The following STAC variants were observed in gnomAD, a reference collection of about 807,000 sequenced individuals.
The protein encoded by STAC is SH3 and cysteine-rich domain-containing protein.
STAC carries 43 observed loss-of-function variants against 48.8 expected under a neutral mutation model. The ratio of observed to expected loss-of-function variants is 0.88; its 90% CI spans 0.69 to 1.14. The LOEUF (loss-of-function observed/expected upper bound fraction) is 1.14, where lower values mean the gene tolerates loss of function less well. Ranked by LOEUF, STAC falls within the 50% of genes most tolerant of loss-of-function variation. STAC has a pLI of 0.00. For missense variants in STAC, 497 were observed against 504.0 expected (o/e 0.99, Z 0.13); for synonymous variants, 193 against 179.5 (o/e 1.07, Z -0.60).
intron 2 of STAC, among the ~76,000 whole-genome samples, chr3:36,464,284 T>G (rs926087633): frequency 6.6e-6 from 1 of 152,198 alleles, no homozygotes; most frequent in Non-Finnish European, 1.5e-5. Flanking sequence ...GATGAGCATT[T>G]TTTCATGTGT....
At chr3:36,385,817 T>C (rs530605893) in intron 1 of STAC, among the ~76,000 whole-genome samples, 4 of 152,232 alleles carry the variant, frequency 2.6e-5, no homozygotes, top group African/African-American at 9.6e-5. Context: ...CCATTGTAGG[T>C]AGCAATAGTT....
chr3:36,413,979 C>G (rs1488602336), intron 1 of STAC, among the ~76,000 whole-genome samples: 1 of 152,034 alleles, frequency 6.6e-6, no homozygotes, highest in Non-Finnish European at 1.5e-5. Context: ...AAATTCTTTT[C>G]TTTAAGAATG....
intron 10 of STAC, among the ~76,000 whole-genome samples, chr3:36,538,874 C>T (rs575597742): frequency 5.0e-4 from 76 of 152,120 alleles, no homozygotes; most frequent in Non-Finnish European, 7.2e-4. Context: ...TCTGCTGTAC[C>T]ACATGTGACC....
chr3:36,538,173 A>T (rs1190695611), intron 10 of STAC, among the ~76,000 whole-genome samples: 1 of 152,168 alleles, frequency 6.6e-6, no homozygotes, highest in African/African-American at 2.4e-5. Context: ...CATTTAAAAA[A>T]TTTAGTCATT....
At chr3:36,505,995 C>A in intron 8 of STAC, 161 bp downstream of exon 8, 2 of 507,994 alleles carry the variant, frequency 3.9e-6, no homozygotes, top group Non-Finnish European at 7.0e-6. Flanking sequence ...AACACACAGG[C>A]CCTGTCCCCA....
Position 36,438,190 on chromosome 3 carries a change from C to T in STAC, c.112-5174C>T, listed in dbSNP as rs184417763. Among the ~76,000 whole-genome samples the T allele has an allele frequency of 5.2e-3, 797 of 152,224 alleles. 8 individuals are homozygous for T. The highest frequency in any genetic ancestry group is 0.018 in the African/African-American group (741 of 41,508). On this transcript the variant is annotated intron_variant, in intron 1 of 10. Transcript: ENST00000273183. ...AACCTCAGGTGATCCGCCCACCTCC[C>T]TAAGTGCTGGGATGACAGGCGTGAG...
chr3:36,472,774 C>T (rs1575223482), intron 2 of STAC, among the ~76,000 whole-genome samples: 1 of 152,322 alleles, frequency 6.6e-6, no homozygotes, highest in East Asian at 1.9e-4. Context: ...TTATCCATAT[C>T]GCTATCAGCA....
At chr3:36,407,693 T>G (rs1007218390) in intron 1 of STAC, among the ~76,000 whole-genome samples, 4 of 152,234 alleles carry the variant, frequency 2.6e-5, no homozygotes, top group African/African-American at 4.8e-5. Context: ...AAGAAGAAGT[T>G]TATTTCTCAT....
chr3:36,410,676 G>C (rs1003205234), intron 1 of STAC, among the ~76,000 whole-genome samples: 1 of 152,170 alleles, frequency 6.6e-6, no homozygotes, highest in Non-Finnish European at 1.5e-5. Flanking sequence ...ATTTACTCAG[G>C]CTGAGACAAT....
intron 2 of STAC, among the ~76,000 whole-genome samples, chr3:36,468,344 T>C (rs941713810): frequency 2.0e-5 from 3 of 152,076 alleles, no homozygotes; most frequent in Non-Finnish European, 4.4e-5. Flanking sequence ...GAATGTTCCA[T>C]GTGCTGATGA....
intron 1 of STAC, among the ~76,000 whole-genome samples, chr3:36,381,675 G>A (rs1699512602): frequency 6.6e-6 from 1 of 152,186 alleles, no homozygotes; most frequent in African/African-American, 2.4e-5. Flanking sequence ...GGACAGGCCA[G>A]ATGGGGCAAG....
intron 10 of STAC, among the ~76,000 whole-genome samples, chr3:36,530,593 C>CTTTTTTTTTTTTTTTTTT (rs577222686): frequency 7.9e-4 from 57 of 72,012 alleles, no homozygotes; most frequent in Middle Eastern, 0.01. Flanking sequence ...TTTTTTTTTT[C>CTTTTTTTTTTTTTTTTTT]TTTTTTTTTT....
chr3:36,389,101 C>T (rs11922320), intron 1 of STAC, among the ~76,000 whole-genome samples: 81 of 152,238 alleles, frequency 5.3e-4, no homozygotes, highest in African/African-American at 1.8e-3. Context: ...GTTATTGAAA[C>T]GCCTGTCTTT....
At chr3:36,533,173 T>C (rs1026363280) in intron 10 of STAC, among the ~76,000 whole-genome samples, 2 of 152,186 alleles carry the variant, frequency 1.3e-5, no homozygotes, top group African/African-American at 4.8e-5. Context: ...GGAAGTTGTC[T>C]TGGGACCAAA....
At chr3:36,528,502 G>A (rs531058566) in intron 8 of STAC, among the ~76,000 whole-genome samples, 194 bp from the exon 9 acceptor site, 1 of 151,536 alleles carries the variant, frequency 6.6e-6, no homozygotes, top group Non-Finnish European at 1.5e-5. Context: ...TTAAAATACA[G>A]CATAAAATCA....
At chr3:36,495,674 T>C (rs1190302082) in intron 6 of STAC, among the ~76,000 whole-genome samples, 2 of 152,156 alleles carry the variant, frequency 1.3e-5, no homozygotes, top group African/African-American at 4.8e-5. Flanking sequence ...ACACTGAGGG[T>C]TTCTTCTCTC....
chr3:36,502,716 A>G (rs919723646), intron 6 of STAC, among the ~76,000 whole-genome samples: 2 of 152,198 alleles, frequency 1.3e-5, no homozygotes, highest in African/African-American at 4.8e-5. Flanking sequence ...AAGTGTTTAC[A>G]GCAGGATTTC....
chr3:36,395,117 T>C (rs940547794), intron 1 of STAC, among the ~76,000 whole-genome samples: 5 of 151,888 alleles, frequency 3.3e-5, no homozygotes, highest in African/African-American at 1.2e-4. Flanking sequence ...TTCAAAAAGA[T>C]TGGATGTGAA....
At chr3:36,474,218 A>G (rs555157656) in intron 2 of STAC, among the ~76,000 whole-genome samples, 82 of 152,246 alleles carry the variant, frequency 5.4e-4, no homozygotes, top group Non-Finnish European at 1.0e-3. Flanking sequence ...GTAACCCATC[A>G]CAAATGTGAT....
Sources: gnomAD v4.1 joint callset for allele counts (sites outside exome capture counted in the v4.1 genomes callset) on GRCh38, gnomAD v4.1.1 for gene constraint, MANE v1.5 for transcripts, NCBI Gene and HGNC (gene_info 2026-07-23, HGNC 2026-07-21) for gene names.